Variants in ABCC6 observed in about 807,000 individuals in gnomAD.
The protein encoded by ABCC6 is ATP-binding cassette sub-family C member 6.
In ABCC6, 126 loss-of-function variants were observed where a neutral mutation model predicts 169.5. That is an observed-to-expected ratio of 0.74 (90% CI 0.64 to 0.86). The LOEUF (loss-of-function observed/expected upper bound fraction) is 0.86. Among genes scored for constraint, ABCC6 ranks in the 40% least tolerant of loss-of-function variants. ABCC6 has a pLI of 0.00. For synonymous variants in ABCC6, 752 were observed against 814.7 expected (o/e 0.92, Z 1.31); for missense variants, 1,733 against 1,927.2 (o/e 0.90, Z 1.89).
chr16:16,165,619 G>A lies in ABCC6; in HGVS notation c.3306+4C>T, dbSNP rs369488163. ...TCCCGGAAGCCTCCCTGACCTCTCCGTACCTGAAACCCAGCGTAGAGGAGA... is the reference window on the plus strand; with the variant it reads ...TCCCGGAAGCCTCCCTGACCTCTCCATACCTGAAACCCAGCGTAGAGGAGA... On this transcript the variant is annotated splice_donor_region_variant and intron_variant, in intron 23 of 30. Transcript: ENST00000205557. The A allele has an allele frequency of 2.3e-5, 37 of 1,612,978 alleles. No homozygotes were observed. Among genetic ancestry groups the A allele is most frequent in the Admixed American group, 1.0e-4 (6 of 60,010 alleles).
intron 14 of ABCC6, among the ~76,000 whole-genome samples, chr16:16,185,643 G>C (rs2047633285): frequency 6.6e-6 from 1 of 152,112 alleles, no homozygotes; most frequent in Non-Finnish European, 1.5e-5. Context: ...AAATTAGCCA[G>C]GCGTGGTGGT....
intron 22 of ABCC6, among the ~76,000 whole-genome samples, chr16:16,167,674 C>T (rs1251336210): frequency 1.3e-5 from 2 of 152,084 alleles, no homozygotes; most frequent in African/African-American, 2.4e-5. Flanking sequence ...TCACCATGTT[C>T]GCCAGGCTGA....
At chr16:16,175,090 A>G (rs1192093404) in intron 20 of ABCC6, among the ~76,000 whole-genome samples, 1 of 151,818 alleles carries the variant, frequency 6.6e-6, no homozygotes, top group African/African-American at 2.4e-5. Flanking sequence ...TAATGTGTCT[A>G]CTGGTTTTCT....
Position 16,154,784 on chromosome 16 carries a change from A to G in ABCC6, c.4052T>C (p.Leu1351Pro). ...GTTCATCCGCAGAGAGCCAGGGAAC[A>G]GGATGGGGTCCTGGCGGGGAGGGGC... The part of the protein sequence containing the change: ...RISIIPQDPI[L>P]FPGSLRMNLD... The change falls in exon 29 of 31, where the codon CTG becomes CCG. Residue 1351 changes from leucine (L) to proline (P), a missense_variant. Transcript: ENST00000205557. The G allele has an allele frequency of 6.2e-7, 1 of 1,612,330 alleles. No individual in the cohort carries two copies. The highest frequency in any genetic ancestry group is 1.7e-4 in the Middle Eastern group (1 of 5,942).
intron 29 of ABCC6, among the ~76,000 whole-genome samples, chr16:16,154,189 C>T (rs1359877991): frequency 6.6e-6 from 1 of 151,988 alleles, no homozygotes; most frequent in Non-Finnish European, 1.5e-5. Context: ...TCAAGCAATC[C>T]TCCTCTCTCA....
chr16:16,170,297 G>A (rs575502412), intron 21 of ABCC6, among the ~76,000 whole-genome samples: 13 of 152,052 alleles, frequency 8.5e-5, no homozygotes, highest in African/African-American at 2.9e-4. Flanking sequence ...ATGGAATCTC[G>A]CTGTGTTGCC....
At chr16:16,194,688 ATTTATTTG>A (rs1035887409) in intron 10 of ABCC6, among the ~76,000 whole-genome samples, 3 of 151,790 alleles carry the variant, frequency 2.0e-5, no homozygotes, top group African/African-American at 7.3e-5. Context: ...TTATTTATTT[ATTTATTTG>A]TTTGTTTATT....
intron 15 of ABCC6, among the ~76,000 whole-genome samples, chr16:16,184,623 C>A (rs771778162): frequency 9.9e-5 from 15 of 152,248 alleles, no homozygotes; most frequent in Non-Finnish European, 5.9e-5. Context: ...GTGAGCACAG[C>A]TGATAGGGCT....
At chr16:16,191,664 C>T (rs1020166458) in intron 11 of ABCC6, among the ~76,000 whole-genome samples, 7 of 149,946 alleles carry the variant, frequency 4.7e-5, no homozygotes, top group Non-Finnish European at 1.0e-4. Flanking sequence ...TTCCCTCCCT[C>T]CCCCCTTTCT....
chr16:16,158,231 TTGAG>T (rs2046611808), intron 26 of ABCC6, among the ~76,000 whole-genome samples: 2 of 152,206 alleles, frequency 1.3e-5, no homozygotes, highest in African/African-American at 4.8e-5. Flanking sequence ...CAGACATGTA[TTGAG>T]TGTTTGCAAT....
chr16:16,183,643 T>G (rs1283483729), intron 15 of ABCC6, among the ~76,000 whole-genome samples: 2 of 152,156 alleles, frequency 1.3e-5, no homozygotes, highest in East Asian at 3.9e-4. Flanking sequence ...AAAAGGCCAG[T>G]GGTTCTCACC....
At chr16:16,209,686 C>T (rs1488810085) in intron 6 of ABCC6, among the ~76,000 whole-genome samples, 2 of 151,914 alleles carry the variant, frequency 1.3e-5, no homozygotes, top group South Asian at 2.1e-4. Flanking sequence ...TCACTGCAAC[C>T]TCCGCCTCCC....
chr16:16,188,022 G>A (rs764423403), intron 13 of ABCC6, among the ~76,000 whole-genome samples: 23 of 151,748 alleles, frequency 1.5e-4, no homozygotes, highest in South Asian at 4.2e-4. Flanking sequence ...ACATGAGGTC[G>A]GGGGTTCAAG....
intron 15 of ABCC6, among the ~76,000 whole-genome samples, chr16:16,183,638 G>C (rs938998028): frequency 3.3e-5 from 5 of 152,126 alleles, no homozygotes; most frequent in Admixed American, 6.6e-5. Context: ...AACACAAAAG[G>C]CCAGTGGTTC....
intron 4 of ABCC6, among the ~76,000 whole-genome samples, chr16:16,219,304 G>T (rs1223637249): frequency 6.6e-6 from 1 of 151,984 alleles, no homozygotes; most frequent in Non-Finnish European, 1.5e-5. Context: ...CTATAAGTGT[G>T]TGCATCGTGT....
rs2046649518 is a variant in ABCC6 at position 16,159,596 on chromosome 16, A to G, written c.3634-13T>C. 1.3e-5 allele frequency: 21 copies of G among 1,613,632 alleles called. No homozygotes were observed. Among genetic ancestry groups the G allele is most frequent in the Non-Finnish European group, 1.8e-5 (21 of 1,179,708 alleles). On this transcript the variant is annotated splice_polypyrimidine_tract_variant and intron_variant, in intron 25 of 30. Coordinates refer to ENST00000205557, the MANE Select transcript of ABCC6 (RefSeq NM_001171.6). ...GTGTCTGGGTCACCTGGTGCAAGAA[A>G]GCCTCTCTGGCTGGGTTTGGCAAGG...
chr16:16,160,059 T>C (rs2152219549), intron 25 of ABCC6, among the ~76,000 whole-genome samples: 1 of 152,256 alleles, frequency 6.6e-6, no homozygotes, highest in East Asian at 1.9e-4. Flanking sequence ...CCAGCACCCC[T>C]GCCTTCACCC....
At chr16:16,171,750 C>T (rs907293456) in intron 21 of ABCC6, among the ~76,000 whole-genome samples, 4 of 150,844 alleles carry the variant, frequency 2.7e-5, no homozygotes, top group South Asian at 2.1e-4. Flanking sequence ...ATGGGTTGGA[C>T]AGATAAATGA....
intron 6 of ABCC6, among the ~76,000 whole-genome samples, chr16:16,211,782 A>G (rs72664294): frequency 0.035 from 5,388 of 152,222 alleles, 115 homozygotes; most frequent in African/African-American, 0.046. Flanking sequence ...GGCTTAGCAC[A>G]TAGTAGGTGC....
Sources: gnomAD v4.1 joint callset for allele counts (sites outside exome capture counted in the v4.1 genomes callset) on GRCh38, gnomAD v4.1.1 for gene constraint, MANE v1.5 for transcripts, NCBI Gene and HGNC (gene_info 2026-07-23, HGNC 2026-07-21) for gene names.